The following EIF4A3 variants were observed in gnomAD, a reference collection of about 807,000 sequenced individuals.
EIF4A3 encodes eukaryotic translation initiation factor 4A3, also known as eukaryotic initiation factor 4A-III.
A neutral mutation model predicts 55.6 loss-of-function variants in EIF4A3; 1 was observed. The ratio of observed to expected loss-of-function variants is 0.02; its 90% CI spans 0.01 to 0.09. EIF4A3 has a LOEUF of 0.09. Ranked by LOEUF, EIF4A3 falls within the 10% of genes least tolerant of loss-of-function variation. The pLI is 1.00. For missense variants in EIF4A3, 221 were observed against 540.7 expected (o/e 0.41, Z 5.86); for synonymous variants, 194 against 196.3 (o/e 0.99, Z 0.10).
At chr17:80,144,757 A>C (rs1233168601) in intron 1 of EIF4A3, among the ~76,000 whole-genome samples, 1 of 152,172 alleles carries the variant, frequency 6.6e-6, no homozygotes, top group African/African-American at 2.4e-5. Flanking sequence ...TGTTGCTGAC[A>C]GGTCTACAAC....
chr17:80,138,894 C>A, intron 7 of EIF4A3, 127 bp downstream of exon 7: 2 of 1,264,470 alleles, frequency 1.6e-6, no homozygotes, highest in East Asian at 2.3e-5. Context: ...GCCTGAGGTC[C>A]GGGTTTTGAC....
Position 80,134,616 on chromosome 17 carries a change from G to C in EIF4A3, c.*874C>G, listed in dbSNP as rs1418345277. 6.6e-6 allele frequency among the ~76,000 whole-genome samples: 1 copy of C among 152,056 alleles called. No homozygotes were observed. The highest frequency in any genetic ancestry group is 2.4e-5 in the African/African-American group (1 of 41,390). On this transcript the variant is annotated 3_prime_UTR_variant, in exon 12 of 12. Coordinates refer to ENST00000649764, the MANE Select transcript of EIF4A3 (RefSeq NM_014740.4). The stretch of plus-strand genomic sequence containing the variant: ...AGATGGGAGAATCACTTAAACCCAT[G>C]AGTGACAGACCAGCCTAGGCCACAA...
intron 11 of EIF4A3, 152 bp downstream of exon 11, chr17:80,135,852 G>A (rs187768825): frequency 7.0e-6 from 7 of 1,001,026 alleles, no homozygotes; most frequent in East Asian, 4.9e-5. Flanking sequence ...CCGAAATCGC[G>A]CCACTGCACT....
At chr17:80,146,343 T>G (rs1217038547) in intron 1 of EIF4A3, among the ~76,000 whole-genome samples, 1 of 152,024 alleles carries the variant, frequency 6.6e-6, no homozygotes, top group African/African-American at 2.4e-5. Flanking sequence ...TCCTTCCCAG[T>G]CCCACTCTAT....
At chr17:80,146,594 C>G (rs896826811) in intron 1 of EIF4A3, among the ~76,000 whole-genome samples, 199 bp downstream of exon 1, 2 of 152,230 alleles carry the variant, frequency 1.3e-5, no homozygotes, top group African/African-American at 4.8e-5. Flanking sequence ...GGGACACACA[C>G]CGAAAGCGCC....
intron 1 of EIF4A3, 84 bp downstream of exon 1, chr17:80,146,709 C>T (rs929667521): frequency 6.1e-6 from 9 of 1,483,660 alleles, no homozygotes; most frequent in Non-Finnish European, 8.1e-6. Flanking sequence ...GCAGGGCCGG[C>T]CCGGGAGTCA....
At chr17:80,138,039 T>C (rs955431184) in intron 8 of EIF4A3, 103 bp downstream of exon 8, 206 of 1,447,558 alleles carry the variant, frequency 1.4e-4, no homozygotes, top group Non-Finnish European at 1.9e-4. Flanking sequence ...AAGCTTAAAA[T>C]ATGGACAAAC....
chr17:80,146,504 G>C (rs377242618), intron 1 of EIF4A3, among the ~76,000 whole-genome samples: 5 of 152,340 alleles, frequency 3.3e-5, no homozygotes, highest in African/African-American at 1.2e-4. Flanking sequence ...GTAGAAATCA[G>C]TTATCTGCTG....
chr17:80,136,404 T>C lies in EIF4A3; in HGVS notation c.984-69A>G, dbSNP rs2039570608. 3 of 1,317,878 alleles carry C rather than the reference T, an allele frequency of 2.3e-6. No homozygotes were observed. In the South Asian group the frequency reaches 3.9e-5, roughly 17 times the overall value. 81.6% of individuals were successfully genotyped at this position (1,317,878 alleles called of 1,614,324 possible). A position where few individuals can be genotyped will look rare whatever the true frequency, so the allele number is the denominator to read the frequency against. On this transcript the variant is annotated intron_variant, in intron 9 of 11. Transcript: ENST00000649764. The stretch of plus-strand genomic sequence containing the variant: ...AAGTGTAAGACTGGACTTGCTTCCA[T>C]TGCTAATTTTAAGGAATCCTGGCTG...
intron 2 of EIF4A3, among the ~76,000 whole-genome samples, chr17:80,142,740 A>G (rs550465646): frequency 2.6e-5 from 4 of 152,286 alleles, no homozygotes; most frequent in South Asian, 2.1e-4. Flanking sequence ...GTGAGGCCCC[A>G]TATCTTAACA....
Position 80,141,421 on chromosome 17 carries a change from A to G in EIF4A3, c.310-40T>C, listed in dbSNP as rs776369970. 3.8e-6 allele frequency: 6 copies of G among 1,585,748 alleles called. No individual in the cohort carries two copies. The East Asian group carries it at 1.3e-4, about 35-fold the overall frequency. ...TATCAGAAAATAGAGAATCCGCAGTATTATCAAAGTGGATTGTAGTAATTC... is the reference window on the plus strand; with the variant it reads ...TATCAGAAAATAGAGAATCCGCAGTGTTATCAAAGTGGATTGTAGTAATTC... On this transcript the variant is annotated intron_variant, in intron 3 of 11. Transcript: ENST00000649764.
At chr17:80,141,503 A>G in intron 3 of EIF4A3, 122 bp from the exon 4 acceptor site, 2 of 1,061,582 alleles carry the variant, frequency 1.9e-6, no homozygotes, top group Non-Finnish European at 2.8e-6. Flanking sequence ...CTCATCTCTT[A>G]CAGGTTAGCA....
chr17:80,147,047 C>CTGCCGCTGCCGATCTCGCTG lies in EIF4A3; in HGVS notation c.-87_-86insCAGCGAGATCGGCAGCGGCA. ...CCTCGCTGTGCCGCTGCCGACCTCG[C>CTGCCGCTGCCGATCTCGCTG]TGCCGCTGCCGACCTCGCTGTGCCG... On this transcript the variant is annotated 5_prime_UTR_variant, in exon 1 of 12. Coordinates refer to ENST00000649764, the MANE Select transcript of EIF4A3 (RefSeq NM_014740.4). The CTGCCGCTGCCGATCTCGCTG allele has an allele frequency of 8.7e-7, 1 of 1,155,618 alleles. No individual in the cohort carries two copies. The highest frequency in any genetic ancestry group is 1.1e-6 in the Non-Finnish European group (1 of 943,326). 71.6% of individuals were successfully genotyped at this position (1,155,618 alleles called of 1,614,324 possible). A position where few individuals can be genotyped will look rare whatever the true frequency, so the allele number is the denominator to read the frequency against.
At chr17:80,137,673 G>A (rs909912507) in intron 8 of EIF4A3, 172 bp from the exon 9 acceptor site, 5 of 588,762 alleles carry the variant, frequency 8.5e-6, no homozygotes, top group Non-Finnish European at 1.5e-5. Flanking sequence ...AGAAAATGTT[G>A]GGGTGCACTC....
chr17:80,139,829 G>C, intron 5 of EIF4A3, 79 bp from the exon 6 acceptor site: 1 of 1,519,310 alleles, frequency 6.6e-7, no homozygotes, highest in Non-Finnish European at 9.0e-7. Flanking sequence ...AGGCTCCCAA[G>C]AAAGAGCTCA....
intron 3 of EIF4A3, 94 bp from the exon 4 acceptor site, chr17:80,141,475 C>T: frequency 1.6e-6 from 2 of 1,250,414 alleles, no homozygotes; most frequent in African/African-American, 1.5e-5. Context: ...GAAATACTAT[C>T]TCATATTAAT....
chr17:80,142,014 GC>G (rs1236966265), intron 2 of EIF4A3, among the ~76,000 whole-genome samples, 166 bp from the exon 3 acceptor site: 1 of 152,204 alleles, frequency 6.6e-6, no homozygotes, highest in East Asian at 1.9e-4. Flanking sequence ...CAGTGTCACA[GC>G]TTGTTAAGTG....
intron 1 of EIF4A3, among the ~76,000 whole-genome samples, chr17:80,145,899 C>T (rs1162653928): frequency 6.6e-6 from 1 of 152,146 alleles, no homozygotes; most frequent in Non-Finnish European, 1.5e-5. Context: ...TCCAAGGCAG[C>T]ACAATCCTCT....
At chr17:80,138,376 G>T in intron 7 of EIF4A3, 96 bp from the exon 8 acceptor site, 1 of 1,497,790 alleles carries the variant, frequency 6.7e-7, no homozygotes, top group African/African-American at 1.4e-5. Flanking sequence ...TGGTGGAAAA[G>T]GTCACACCGT....
Sources: allele counts gnomAD v4.1 joint callset (sites outside exome capture counted in the v4.1 genomes callset), GRCh38; gene constraint gnomAD v4.1.1; transcripts MANE v1.5; gene names NCBI Gene and HGNC (gene_info 2026-07-23, HGNC 2026-07-21).